Variants in SRGAP2C observed in about 807,000 individuals in gnomAD.
SRGAP2C encodes SLIT-ROBO Rho GTPase activating protein 2C, also known as SLIT-ROBO Rho GTPase-activating protein 2C.
Under a neutral mutation model 25.1 loss-of-function variants are expected in SRGAP2C, and 15 were observed. The ratio of observed to expected loss-of-function variants is 0.60; its 90% CI spans 0.40 to 0.92. The LOEUF (loss-of-function observed/expected upper bound fraction) is 0.92, where lower values mean the gene tolerates loss of function less well. SRGAP2C is among the 40% of genes least tolerant of loss of function. The pLI, the probability that SRGAP2C is intolerant of heterozygous loss-of-function variation, is 0.00. For synonymous variants in SRGAP2C, 44 were observed against 96.6 expected (o/e 0.46, Z 3.19); for missense variants, 144 against 264.4 (o/e 0.54, Z 3.16).
chr1:121,304,065 G>A (rs1231036388), intron 3 of SRGAP2C, among the ~76,000 whole-genome samples: 1 of 151,586 alleles, frequency 6.6e-6, no homozygotes, highest in Non-Finnish European at 1.5e-5. Flanking sequence ...AAAAAAATTA[G>A]CCGGGCATGG....
intron 3 of SRGAP2C, among the ~76,000 whole-genome samples, chr1:121,307,348 T>A (rs1657863741): frequency 2.6e-5 from 4 of 152,090 alleles, no homozygotes; most frequent in Non-Finnish European, 5.9e-5. Flanking sequence ...TTGATTTTTT[T>A]AAACCTCACT....
intron 2 of SRGAP2C, among the ~76,000 whole-genome samples, chr1:121,213,311 G>T (rs1655313984): frequency 6.7e-6 from 1 of 150,310 alleles, no homozygotes; most frequent in Non-Finnish European, 1.5e-5. Flanking sequence ...CTCCCAAAGT[G>T]TTGGGAGTAC....
At chr1:121,255,293 G>A (rs1656432091) in intron 2 of SRGAP2C, among the ~76,000 whole-genome samples, 1 of 151,342 alleles carries the variant, frequency 6.6e-6, no homozygotes, top group South Asian at 2.1e-4. Flanking sequence ...TGGTCACTGT[G>A]TTGAGAGATG....
chr1:121,208,720 CGTT>C (rs1298549204), intron 2 of SRGAP2C, among the ~76,000 whole-genome samples: 17 of 151,672 alleles, frequency 1.1e-4, no homozygotes, highest in African/African-American at 4.1e-4. Flanking sequence ...TTCTGTTTAT[CGTT>C]GTTTTCTAGC....
At chr1:121,315,361 G>T (rs1220495599) in intron 3 of SRGAP2C, among the ~76,000 whole-genome samples, 3 of 145,570 alleles carry the variant, frequency 2.1e-5, no homozygotes, top group Non-Finnish European at 4.5e-5. Flanking sequence ...GAATGCATTT[G>T]TGACTTGCCC....
At chr1:121,338,621 C>T (rs1658575575) in intron 4 of SRGAP2C, among the ~76,000 whole-genome samples, 1 of 127,788 alleles carries the variant, frequency 7.8e-6, no homozygotes, top group African/African-American at 2.9e-5. Flanking sequence ...TCCAGCTTCT[C>T]CCAGCATTTA....
At chr1:121,380,555 T>G (rs1553354606) in intron 7 of SRGAP2C, among the ~76,000 whole-genome samples, 1 of 151,632 alleles carries the variant, frequency 6.6e-6, no homozygotes, top group South Asian at 2.1e-4. Flanking sequence ...TTAACTTCAC[T>G]GAACCTCAGC....
intron 2 of SRGAP2C, among the ~76,000 whole-genome samples, chr1:121,206,311 G>A (rs1553322514): frequency 1.3e-5 from 2 of 152,088 alleles, no homozygotes; most frequent in Non-Finnish European, 1.5e-5. Context: ...CACCATGTTT[G>A]CATGTGGTAG....
At chr1:121,203,374 C>T (rs1237562874) in intron 2 of SRGAP2C, among the ~76,000 whole-genome samples, 1 of 149,834 alleles carries the variant, frequency 6.7e-6, no homozygotes, top group East Asian at 2.2e-4. Flanking sequence ...AAGTGCCTTG[C>T]CATACTTTAT....
intron 3 of SRGAP2C, among the ~76,000 whole-genome samples, chr1:121,323,171 G>A (rs1658246233): frequency 6.6e-6 from 1 of 150,546 alleles, no homozygotes; most frequent in Non-Finnish European, 1.5e-5. Context: ...TATGTGTACA[G>A]TATCCCTTGA....
intron 3 of SRGAP2C, among the ~76,000 whole-genome samples, chr1:121,323,600 A>C: frequency 1.1e-5 from 1 of 90,940 alleles, no homozygotes; most frequent in South Asian, 4.2e-4. Context: ...TGGGTGACAG[A>C]GTGAGACTTT....
intron 5 of SRGAP2C, among the ~76,000 whole-genome samples, chr1:121,369,455 C>A (rs201065944): frequency 6.7e-6 from 1 of 150,322 alleles, no homozygotes; most frequent in Non-Finnish European, 1.5e-5. Context: ...CTTTGGGACA[C>A]TTTGGGGCTG....
At chr1:121,371,051 A>G (rs1313237151) in intron 5 of SRGAP2C, among the ~76,000 whole-genome samples, 1 of 152,098 alleles carries the variant, frequency 6.6e-6, no homozygotes, top group Admixed American at 6.6e-5. Flanking sequence ...AGTTTTTCAA[A>G]GTAAAGTGGA....
intron 3 of SRGAP2C, 59 bp downstream of exon 3, chr1:121,285,054 G>T: frequency 3.9e-6 from 3 of 759,896 alleles, no homozygotes; most frequent in Non-Finnish European, 6.0e-6. Context: ...CAGGGTGGAG[G>T]GGGGCAGGGT....
intron 5 of SRGAP2C, among the ~76,000 whole-genome samples, chr1:121,370,634 CG>C (rs1421022941): frequency 2.6e-5 from 4 of 151,992 alleles, no homozygotes; most frequent in African/African-American, 9.6e-5. Flanking sequence ...TTAGTAGAGA[CG>C]GGGTTTCATT....
chr1:121,374,171 G>C lies in SRGAP2C; in HGVS notation c.687G>C (p.Glu229Asp). 1 of 598,192 alleles carries C rather than the reference G, an allele frequency of 1.7e-6. No individual in the cohort carries two copies. Among genetic ancestry groups the C allele is most frequent in the Non-Finnish European group, 3.0e-6 (1 of 329,084 alleles). 37.1% of individuals were successfully genotyped at this position (598,192 alleles called of 1,614,324 possible). ...HVRRSSVKKIEKMKEKHQAKY... is the reference protein window; with the variant it reads ...HVRRSSVKKIDKMKEKHQAKY... Reference sequence around the variant, plus strand: ...GGAGGAGCTCAGTGAAGAAGATTGAGAAGATGAAGGAGAAGGTATGTAGGC... The same window carrying C: ...GGAGGAGCTCAGTGAAGAAGATTGACAAGATGAAGGAGAAGGTATGTAGGC... The change falls in exon 6 of 10, where the codon GAG becomes GAC. Residue 229 changes from glutamate to aspartate, a missense_variant. Physicochemically the swap from Glu to Asp is conservative, Grantham distance 45. Coordinates refer to ENST00000367123, the MANE Select transcript of SRGAP2C (RefSeq NM_001329984.2).
At chr1:121,236,579 C>T (rs1387927916) in intron 2 of SRGAP2C, among the ~76,000 whole-genome samples, 2 of 152,058 alleles carry the variant, frequency 1.3e-5, no homozygotes, top group Non-Finnish European at 2.9e-5. Flanking sequence ...TGAAACCCTC[C>T]CTCACCTCAT....
intron 2 of SRGAP2C, among the ~76,000 whole-genome samples, chr1:121,238,779 A>G (rs1371576098): frequency 1.6e-5 from 2 of 123,086 alleles, no homozygotes; most frequent in African/African-American, 6.5e-5. Flanking sequence ...ACACACTGCT[A>G]TTTTTTTTTT....
At chr1:121,191,159 A>G (rs1553319691) in intron 2 of SRGAP2C, among the ~76,000 whole-genome samples, 1 of 151,718 alleles carries the variant, frequency 6.6e-6, no homozygotes, top group African/African-American at 2.4e-5. Flanking sequence ...TTATGCTTTC[A>G]TATGTAGTTG....
Sources: gnomAD v4.1 joint callset for allele counts (sites outside exome capture counted in the v4.1 genomes callset) on GRCh38, gnomAD v4.1.1 for gene constraint, MANE v1.5 for transcripts, NCBI Gene and HGNC (gene_info 2026-07-23, HGNC 2026-07-21) for gene names.